NME7: variants seen among roughly 807,000 people sequenced by gnomAD.
NME7 encodes NME/NM23 family member 7.
Under a neutral mutation model 49.1 loss-of-function variants are expected in NME7, and 41 were observed. That is an observed-to-expected ratio of 0.83 (90% CI 0.65 to 1.08). NME7 has a LOEUF of 1.08. Among genes scored for constraint, NME7 ranks in the 50% least tolerant of loss-of-function variants. The pLI is 0.00. For synonymous variants in NME7, 139 were observed against 150.6 expected (o/e 0.92, Z 0.56); for missense variants, 423 against 463.4 (o/e 0.91, Z 0.80).
chr1:169,239,698 G>A (rs1648001356), intron 7 of NME7, among the ~76,000 whole-genome samples: 1 of 151,966 alleles, frequency 6.6e-6, no homozygotes, highest in Admixed American at 6.6e-5. Context: ...GGTACAGAGA[G>A]GTTAGAACTG....
rs548779788 is a variant in NME7 at position 169,314,734 on chromosome 1, C to T, written c.279-4654G>A. On this transcript the variant is annotated intron_variant, in intron 3 of 11. Transcript: ENST00000367811. ...TACCTATGTAATAAACCTGTACATT[C>T]TGCACACGTATCCCGGAACTTAAAG... 3.3e-3 allele frequency among the ~76,000 whole-genome samples: 494 copies of T among 151,860 alleles called. 3 individuals carry two copies. Among genetic ancestry groups the T allele is most frequent in the African/African-American group, 0.011 (458 of 41,462 alleles).
intron 8 of NME7, among the ~76,000 whole-genome samples, chr1:169,237,098 C>T (rs1647886802): frequency 6.6e-6 from 1 of 151,954 alleles, no homozygotes; most frequent in Admixed American, 6.6e-5. Flanking sequence ...TTTGAACAAG[C>T]GTGGGCTCTG....
At chr1:169,229,787 CCT>C (rs1647519512) in intron 10 of NME7, among the ~76,000 whole-genome samples, 1 of 151,926 alleles carries the variant, frequency 6.6e-6, no homozygotes. Flanking sequence ...AGGATAAAAC[CCT>C]GTCTCTACTA....
At chr1:169,142,372 G>A (rs1407868912) in intron 11 of NME7, among the ~76,000 whole-genome samples, 1 of 152,152 alleles carries the variant, frequency 6.6e-6, no homozygotes, top group Non-Finnish European at 1.5e-5. Flanking sequence ...AAGATGTGTT[G>A]TTTTCCTAGG....
intron 11 of NME7, among the ~76,000 whole-genome samples, chr1:169,145,983 T>C (rs962162715): frequency 3.9e-5 from 6 of 152,280 alleles, no homozygotes; most frequent in East Asian, 1.9e-4. Flanking sequence ...GTCTGTTACA[T>C]AGATATATTG....
chr1:169,192,619 A>G (rs1660266019), intron 10 of NME7, among the ~76,000 whole-genome samples: 2 of 152,180 alleles, frequency 1.3e-5, no homozygotes. Context: ...AAAAGGGAGT[A>G]TGGTAATACT....
intron 7 of NME7, among the ~76,000 whole-genome samples, chr1:169,278,110 G>A (rs1432179531): frequency 7.3e-5 from 11 of 151,408 alleles, no homozygotes; most frequent in African/African-American, 2.7e-4. Flanking sequence ...CTCTCTGGCT[G>A]CCCTTAACAT....
At chr1:169,350,245 A>AGAAAGAAGGATGGAAGGAAGGAAGGAAG (rs1553196994) in intron 1 of NME7, among the ~76,000 whole-genome samples, 1 of 87,206 alleles carries the variant, frequency 1.1e-5, no homozygotes, top group African/African-American at 4.5e-5. Flanking sequence ...AAAGAAAGAA[A>AGAAAGAAGGATGGAAGGAAGGAAGGAAG]GAAGGAAGGA....
intron 11 of NME7, among the ~76,000 whole-genome samples, chr1:169,159,026 C>G (rs2101831620): frequency 6.6e-6 from 1 of 152,254 alleles, no homozygotes. Flanking sequence ...AGTAACAGAA[C>G]TACATTTACT....
intron 7 of NME7, among the ~76,000 whole-genome samples, chr1:169,252,184 A>C (rs559380211): frequency 9.3e-5 from 14 of 151,270 alleles, no homozygotes; most frequent in East Asian, 3.9e-4. Context: ...CCAACAGTGT[A>C]AAAGTGTTCC....
At chr1:169,243,354 C>A (rs939997325) in intron 7 of NME7, among the ~76,000 whole-genome samples, 7 of 152,056 alleles carry the variant, frequency 4.6e-5, no homozygotes, top group Non-Finnish European at 7.4e-5. Context: ...GAGTTACTTC[C>A]CAGAAGGAAG....
intron 7 of NME7, chr1:169,284,327 T>TGAG (rs1650173015): frequency 2.6e-5 from 4 of 152,172 alleles, no homozygotes; most frequent in African/African-American, 9.7e-5. Context: ...CTGCATTGGT[T>TGAG]ATTCTAGTTA....
chr1:169,268,435 C>T lies in NME7; in HGVS notation c.754+18868G>A, dbSNP rs937523193. Among the ~76,000 whole-genome samples, 34 of 133,918 alleles carry T rather than the reference C, an allele frequency of 2.5e-4. 6 individuals carry two copies. The highest frequency in any genetic ancestry group is 8.6e-4 in the African/African-American group (34 of 39,578). The allele number at this position is 133,918 out of a possible 152,430, so 87.9% of individuals were successfully genotyped here. ...ACCATTTGACACAGCAATCCCATTA[C>T]TGGGTACATACCCAGAGGAATATAA... On this transcript the variant is annotated intron_variant, in intron 7 of 11. Transcript: ENST00000367811.
intron 11 of NME7, among the ~76,000 whole-genome samples, chr1:169,149,614 C>T (rs1337481159): frequency 6.6e-6 from 1 of 152,112 alleles, no homozygotes; most frequent in Admixed American, 6.5e-5. Flanking sequence ...AGTAACAATA[C>T]AATAGAACAG....
chr1:169,176,961 T>C (rs1659770085), intron 10 of NME7, among the ~76,000 whole-genome samples: 1 of 152,118 alleles, frequency 6.6e-6, no homozygotes, highest in African/African-American at 2.4e-5. Flanking sequence ...TTTTAAGACA[T>C]TTAACCTTTA....
At chr1:169,292,033 G>C (rs1402655977) in intron 6 of NME7, among the ~76,000 whole-genome samples, 1 of 151,986 alleles carries the variant, frequency 6.6e-6, no homozygotes, top group Admixed American at 6.6e-5. Context: ...CGCTGAAATT[G>C]ACCCAGATAT....
At chr1:169,295,365 A>G (rs1571364381) in intron 6 of NME7, among the ~76,000 whole-genome samples, 1 of 152,198 alleles carries the variant, frequency 6.6e-6, no homozygotes, top group East Asian at 1.9e-4. Flanking sequence ...TGGATGGCAT[A>G]AGGTGGTAAT....
At chr1:169,202,813 T>C (rs915779549) in intron 10 of NME7, among the ~76,000 whole-genome samples, 1 of 152,136 alleles carries the variant, frequency 6.6e-6, no homozygotes, top group African/African-American at 2.4e-5. Context: ...GGAACAGAAA[T>C]TTATGCTGAG....
chr1:169,208,773 C>T (rs1434226997), intron 10 of NME7, among the ~76,000 whole-genome samples: 2 of 152,024 alleles, frequency 1.3e-5, no homozygotes, highest in Non-Finnish European at 2.9e-5. Flanking sequence ...GGCTTAAAGG[C>T]CAAAACTGGA....
Sources: allele counts gnomAD v4.1 joint callset (sites outside exome capture counted in the v4.1 genomes callset), GRCh38; gene constraint gnomAD v4.1.1; transcripts MANE v1.5; gene names NCBI Gene and HGNC (gene_info 2026-07-23, HGNC 2026-07-21).